Variants in GNAL observed in about 807,000 individuals in gnomAD.
GNAL encodes G protein subunit alpha L.
In GNAL, 18 loss-of-function variants were observed where a neutral mutation model predicts 55.1. The observed-to-expected ratio is 0.33, with a 90% CI of 0.23 to 0.48. The LOEUF (loss-of-function observed/expected upper bound fraction) is 0.48. Ranked by LOEUF, GNAL falls within the 20% of genes least tolerant of loss-of-function variation. The pLI, the probability that GNAL is intolerant of heterozygous loss-of-function variation, is 0.99. For synonymous variants in GNAL, 253 were observed against 237.0 expected, an observed-to-expected ratio of 1.07 and a Z score of -0.62; for missense variants, 412 against 614.1, an observed-to-expected ratio of 0.67 and a Z score of 3.48.
chr18:11,796,524 A>G (rs2034385178), intron 4 of GNAL, among the ~76,000 whole-genome samples: 1 of 146,976 alleles, frequency 6.8e-6, no homozygotes, highest in African/African-American at 2.6e-5. Flanking sequence ...CAGTGAGCCA[A>G]GATCGAGCCA....
At chr18:11,839,871 A>G (rs1026749512) in intron 5 of GNAL, among the ~76,000 whole-genome samples, 9 of 152,242 alleles carry the variant, frequency 5.9e-5, no homozygotes, top group African/African-American at 2.2e-4. Flanking sequence ...ATGTGTTCAC[A>G]ATATCAAGGA....
rs1000424453 is a variant in GNAL at position 11,752,204 on chromosome 18, G to A, written c.377-649G>A. On this transcript the variant is annotated intron_variant, in intron 1 of 11. Coordinates refer to ENST00000334049, the MANE Select transcript of GNAL (RefSeq NM_182978.4). The surrounding 1 kb of genome is among the most constrained non-coding windows in gnomAD (Gnocchi z 4.5). ...TTTTGAAACAATTCTCGTGTAAAAA[G>A]GCATTTTACTCCGCGCGTCTTCCTT... The A allele has an allele frequency of 1.2e-5, 8 of 671,150 alleles. No individual in the cohort carries two copies. Among genetic ancestry groups the A allele is most frequent in the Non-Finnish European group, 1.8e-5 (8 of 455,308 alleles). The allele number at this position is 671,150 out of a possible 1,614,324, so 41.6% of individuals were successfully genotyped here.
intron 1 of GNAL, among the ~76,000 whole-genome samples, chr18:11,690,275 C>A (rs1598395320): frequency 1.3e-5 from 2 of 152,198 alleles, no homozygotes; most frequent in South Asian, 2.1e-4. Context: ...GGTCGAATCC[C>A]CGGGGATGTC....
intron 5 of GNAL, among the ~76,000 whole-genome samples, chr18:11,842,122 G>C (rs1360851201): frequency 6.6e-6 from 1 of 151,870 alleles, no homozygotes; most frequent in Non-Finnish European, 1.5e-5. Context: ...ACAGGCATGT[G>C]CTATCATGCC....
intron 1 of GNAL, among the ~76,000 whole-genome samples, chr18:11,692,408 G>A (rs545849288): frequency 2.8e-4 from 43 of 152,316 alleles, no homozygotes; most frequent in African/African-American, 9.9e-4. Context: ...TCTCAACAGG[G>A]ACGCGGGCTG....
intron 1 of GNAL, among the ~76,000 whole-genome samples, chr18:11,699,699 T>C (rs1329621463): frequency 6.6e-6 from 1 of 152,176 alleles, no homozygotes; most frequent in Non-Finnish European, 1.5e-5. Flanking sequence ...ATTCCCTCGC[T>C]AGGGATGGAC....
At chr18:11,853,544 G>A (rs184613318) in intron 5 of GNAL, 44 of 167,022 alleles carry the variant, frequency 2.6e-4, no homozygotes, top group African/African-American at 1.1e-3. Context: ...AATAATTATA[G>A]GGGCCCTTCC....
At chr18:11,872,977 C>T (rs1299311142) in intron 10 of GNAL, among the ~76,000 whole-genome samples, 1 of 152,182 alleles carries the variant, frequency 6.6e-6, no homozygotes, top group South Asian at 2.1e-4. Context: ...GGGCCAGCAG[C>T]CATCCCAGGC....
intron 4 of GNAL, among the ~76,000 whole-genome samples, chr18:11,788,914 A>AAAAAAAATATATATATATATATAT (rs60071996): frequency 1.8e-5 from 1 of 56,298 alleles, no homozygotes; most frequent in African/African-American, 1.0e-4. Flanking sequence ...AAAAAAAAAA[A>AAAAAAAATATATATATATATATAT]ATATATATAT....
At chr18:11,692,001 C>T (rs1484204867) in intron 1 of GNAL, among the ~76,000 whole-genome samples, 3 of 152,116 alleles carry the variant, frequency 2.0e-5, no homozygotes, top group African/African-American at 7.2e-5. Flanking sequence ...GTTCTATGCA[C>T]TCTACCGTAG....
chr18:11,705,453 T>C (rs1040200193), intron 1 of GNAL, among the ~76,000 whole-genome samples: 2 of 152,226 alleles, frequency 1.3e-5, no homozygotes, highest in Admixed American at 1.3e-4. Context: ...CTGATTTCAG[T>C]TCTTTTGAAT....
At chr18:11,743,893 C>G (rs1281636770) in intron 1 of GNAL, among the ~76,000 whole-genome samples, 2 of 150,966 alleles carry the variant, frequency 1.3e-5, no homozygotes, top group Non-Finnish European at 3.0e-5. Context: ...GTCCCCACAC[C>G]TACCCTTGCC....
intron 1 of GNAL, among the ~76,000 whole-genome samples, chr18:11,697,117 G>A (rs2031436285): frequency 6.6e-6 from 1 of 152,230 alleles, no homozygotes; most frequent in Non-Finnish European, 1.5e-5. Context: ...CTAGCAAAGG[G>A]CAGCCAGCCC....
chr18:11,700,549 C>A (rs2031542475), intron 1 of GNAL, among the ~76,000 whole-genome samples: 1 of 152,206 alleles, frequency 6.6e-6, no homozygotes, highest in African/African-American at 2.4e-5. Flanking sequence ...GTTAGGGAAG[C>A]CACCCATCAA....
chr18:11,806,772 AATTTGTTACACAGAAATG>A (rs1284840690), intron 4 of GNAL, among the ~76,000 whole-genome samples: 1 of 150,704 alleles, frequency 6.6e-6, no homozygotes, highest in African/African-American at 2.5e-5. Flanking sequence ...GTTCAGGGAT[AATTTGTTACACAGAAATG>A]ATTTGTTCTC....
At chr18:11,778,472 G>A (rs762899998) in intron 4 of GNAL, among the ~76,000 whole-genome samples, 1 of 152,144 alleles carries the variant, frequency 6.6e-6, no homozygotes, top group Non-Finnish European at 1.5e-5. Flanking sequence ...TGTAAAGGCC[G>A]CATGATGTTA....
At chr18:11,714,061 C>T (rs986902501) in intron 1 of GNAL, among the ~76,000 whole-genome samples, 4 of 152,200 alleles carry the variant, frequency 2.6e-5, no homozygotes, top group African/African-American at 9.6e-5. Context: ...ATCTCCGATG[C>T]CAGCAACTAA....
intron 4 of GNAL, among the ~76,000 whole-genome samples, chr18:11,791,778 G>T (rs1005924563): frequency 6.6e-6 from 1 of 152,132 alleles, no homozygotes. Flanking sequence ...CTCGAAGTAG[G>T]ACACAAAGGA....
At chr18:11,846,464 T>TATACACACACACAC (rs1555613166) in intron 5 of GNAL, among the ~76,000 whole-genome samples, 41 of 140,082 alleles carry the variant, frequency 2.9e-4, no homozygotes, top group South Asian at 1.1e-3. Flanking sequence ...TATATAAATA[T>TATACACACACACAC]ACACACACAC....
Sources: gnomAD v4.1 joint callset for allele counts (sites outside exome capture counted in the v4.1 genomes callset) on GRCh38, gnomAD v4.1.1 for gene constraint, Gnocchi (gnomAD v3.1) non-coding constraint, MANE v1.5 for transcripts, NCBI Gene and HGNC (gene_info 2026-07-23, HGNC 2026-07-21) for gene names.